Variants in LARS1 observed in about 807,000 individuals in gnomAD.
LARS1 encodes leucyl-tRNA synthetase 1, also known as leucine--tRNA ligase, cytoplasmic.
In LARS1, 100 loss-of-function variants were observed where a neutral mutation model predicts 162.8. The ratio of observed to expected loss-of-function variants is 0.61; its 90% CI spans 0.52 to 0.73. The LOEUF is 0.73. LARS1 is among the 30% of genes least tolerant of loss of function. The pLI, the probability that LARS1 is intolerant of heterozygous loss-of-function variation, is 0.00. For missense variants in LARS1, 1,258 were observed against 1,408.9 expected, an observed-to-expected ratio of 0.89 and a Z score of 1.71; for synonymous variants, 457 against 462.8, an observed-to-expected ratio of 0.99 and a Z score of 0.16.
In LARS1 at chr5:146,124,051, A is replaced by G. The variant is rs1365973736; in HGVS notation, c.3027T>C (p.Asp1009=). The G allele has an allele frequency of 6.2e-7, 1 of 1,610,480 alleles. No individual in the cohort carries two copies. Among genetic ancestry groups the G allele is most frequent in the South Asian group, 1.1e-5 (1 of 90,936 alleles). ...NLEKMGPRIL[D]LQLEFDEKAV... The stretch of plus-strand genomic sequence containing the variant: ...CCTTTTCATCAAATTCTAATTGCAA[A>G]TCCAGAATACGAGGCCCCATCTTCT... Residue 1009 remains aspartate, a synonymous_variant, in exon 29 of 32, where the codon GAT becomes GAC. Coordinates refer to ENST00000394434, the MANE Select transcript of LARS1 (RefSeq NM_020117.11).
chr5:146,147,017 G>C (rs1257050743), intron 15 of LARS1, among the ~76,000 whole-genome samples: 1 of 151,898 alleles, frequency 6.6e-6, no homozygotes, highest in Non-Finnish European at 1.5e-5. Flanking sequence ...TGGCCACCTA[G>C]ACCTTTTGAG....
At position 146,140,211 on chromosome 5, in the gene LARS1, G is replaced by C. The variant is rs1752710614; in HGVS notation, c.2141C>G (p.Ser714Cys). 1 of 1,611,024 alleles carries C rather than the reference G, an allele frequency of 6.2e-7. No individual in the cohort carries two copies. The highest frequency in any genetic ancestry group is 8.5e-7 in the Non-Finnish European group (1 of 1,177,304). ...AGATGCAATAAGCCTTACCTTCTCA[G>C]AGTTCAGGAGGAGATGTCCATTTGC... ...VRANGHLLLNSEKMSKSTGNF... is the reference protein window; with the variant it reads ...VRANGHLLLNCEKMSKSTGNF... The change falls in exon 21 of 32, where the codon TCT (serine) becomes TGT (cysteine). Residue 714 changes from serine (S) to cysteine (C), a missense_variant. Coordinates refer to ENST00000394434, the MANE Select transcript of LARS1 (RefSeq NM_020117.11).
At chr5:146,134,172 A>G (rs759610927) in intron 22 of LARS1, among the ~76,000 whole-genome samples, 4 of 152,148 alleles carry the variant, frequency 2.6e-5, no homozygotes, top group Non-Finnish European at 5.9e-5. Context: ...ATATCTATAC[A>G]CAAAATAAAA....
intron 1 of LARS1, among the ~76,000 whole-genome samples, chr5:146,178,164 T>A (rs539047439): frequency 6.6e-6 from 1 of 152,298 alleles, no homozygotes; most frequent in South Asian, 2.1e-4. Flanking sequence ...GAACAATTAC[T>A]GAAATATGTA....
intron 21 of LARS1, chr5:146,138,652 C>G (rs1752617394): frequency 6.6e-6 from 1 of 150,532 alleles, no homozygotes; most frequent in Non-Finnish European, 1.5e-5. Context: ...CGCTTGAACC[C>G]AAGAGGTGGA....
chr5:146,134,320 T>C (rs549558535), intron 22 of LARS1, among the ~76,000 whole-genome samples: 2 of 152,322 alleles, frequency 1.3e-5, no homozygotes, highest in South Asian at 4.1e-4. Flanking sequence ...TCTACCTGTT[T>C]ACTTATTTAT....
chr5:146,174,113 G>C (rs978068795), intron 2 of LARS1, among the ~76,000 whole-genome samples: 4 of 118,826 alleles, frequency 3.4e-5, no homozygotes, highest in African/African-American at 1.3e-4. Context: ...TATAACACCA[G>C]AGACTATATT....
At chr5:146,173,015 A>G (rs1363384613) in intron 2 of LARS1, among the ~76,000 whole-genome samples, 2 of 152,182 alleles carry the variant, frequency 1.3e-5, no homozygotes, top group African/African-American at 4.8e-5. Flanking sequence ...CTTGTAACAA[A>G]TACTAGAGGT....
rs778967946 is a variant in LARS1 at position 146,172,042 on chromosome 5, CA to C, written c.214-53del. 4.8e-6 allele frequency: 7 copies of C among 1,451,696 alleles called. No individual in the cohort carries two copies. In the Admixed American group the frequency reaches 1.2e-4, roughly 25 times the overall value. The allele number at this position is 1,451,696 out of a possible 1,614,324, so 89.9% of individuals were successfully genotyped here. ...TGCAAATTTAAATGCCAGACAAATACAAAATGTGAACTTTTCACACAAAAAA... is the reference window on the plus strand; with the variant it reads ...TGCAAATTTAAATGCCAGACAAATACAAATGTGAACTTTTCACACAAAAAA... On this transcript the variant is annotated intron_variant, in intron 3 of 31. Coordinates refer to ENST00000394434, the MANE Select transcript of LARS1 (RefSeq NM_020117.11).
chr5:146,142,982 C>T lies in LARS1; in HGVS notation c.1980G>A (p.Gln660=), dbSNP rs759270365. Residue 660 remains glutamine, a synonymous_variant, in exon 20 of 32, where the codon CAG becomes CAA. Transcript: ENST00000394434. ...CAACAGGATACCAGAATTCAAACTC[C>T]TGCTTTAACTGATCTAATTTTTCCT... ...IAKEKLDQLK[Q]EFEFWYPVDL... 6.2e-7 allele frequency: 1 copy of T among 1,613,952 alleles called. No individual in the cohort carries two copies. The highest frequency in any genetic ancestry group is 1.1e-5 in the South Asian group (1 of 91,068).
rs1311926899 is a variant in LARS1 at position 146,182,585 on chromosome 5, C to T, written c.-92G>A. The T allele has an allele frequency of 3.3e-6, 5 of 1,525,456 alleles. No individual in the cohort carries two copies. The East Asian group carries it at 9.0e-5, about 27-fold the overall frequency. 94.5% of individuals were successfully genotyped at this position (1,525,456 alleles called of 1,614,324 possible). On this transcript the variant is annotated 5_prime_UTR_variant, in exon 1 of 32. Transcript: ENST00000394434. ...ACCTTTCCCCTCCCTCTCGGGGATG[C>T]CAGGCCTCCCACGAAACTAAAGCAC... is the stretch of plus-strand genomic sequence containing the variant.
Position 146,123,982 on chromosome 5 carries a change from C to T in LARS1, c.3096G>A (p.Glu1032=), listed in dbSNP as rs746881596. ...TTATTACAATCCCTGGCCCTCTTACCTCAAGCGAATTAGTCAGATAGACTA... is the reference window on the plus strand; with the variant it reads ...TTATTACAATCCCTGGCCCTCTTACTTCAAGCGAATTAGTCAGATAGACTA... The part of the protein sequence containing the change: ...ENIVYLTNSL[E]LEHIEVKFAS... The change falls in exon 29 of 32, where the codon GAG becomes GAA. Residue 1032 remains glutamate (E), a splice_region_variant and synonymous_variant. Coordinates refer to ENST00000394434, the MANE Select transcript of LARS1 (RefSeq NM_020117.11). 2.4e-5 allele frequency: 38 copies of T among 1,568,376 alleles called. No homozygotes were observed. Among genetic ancestry groups the T allele is most frequent in the Non-Finnish European group, 3.1e-5 (35 of 1,140,968 alleles).
intron 23 of LARS1, 25 bp from the exon 24 acceptor site, chr5:146,131,134 T>G (rs371690781): frequency 4.5e-5 from 58 of 1,280,252 alleles, no homozygotes; most frequent in Admixed American, 2.1e-4. Flanking sequence ...GAAAAAAAGG[T>G]TATTGAGTTT....
At chr5:146,114,981 T>G (rs534433660) in intron 31 of LARS1, among the ~76,000 whole-genome samples, 17 of 147,174 alleles carry the variant, frequency 1.2e-4, no homozygotes, top group African/African-American at 4.3e-4. Context: ...GAGACAGAGG[T>G]TGCGGTGAGC....
At chr5:146,156,631 G>A (rs543642418) in intron 10 of LARS1, among the ~76,000 whole-genome samples, 2 of 151,940 alleles carry the variant, frequency 1.3e-5, no homozygotes, top group African/African-American at 4.8e-5. Flanking sequence ...GGAGGCAGAG[G>A]TGCAGTGAGC....
At chr5:146,116,117 A>G (rs1005214444) in intron 31 of LARS1, among the ~76,000 whole-genome samples, 7 of 152,314 alleles carry the variant, frequency 4.6e-5, no homozygotes, top group African/African-American at 1.7e-4. Context: ...TGCAGGGACC[A>G]TACAATCTAT....
In LARS1 at chr5:146,144,715, G is replaced by A; in HGVS notation, c.1504-6C>T. On this transcript the variant is annotated splice_polypyrimidine_tract_variant and splice_region_variant and intron_variant, in intron 15 of 31. Transcript: ENST00000394434. ...ATGTAAATAAGTGCATCTCCCTAAA[G>A]GAAGGTAAATAAACATACATTAGAT... is the stretch of plus-strand genomic sequence containing the variant. The A allele has an allele frequency of 6.2e-7, 1 of 1,610,312 alleles. No individual in the cohort carries two copies. The highest frequency in any genetic ancestry group is 1.3e-5 in the African/African-American group (1 of 74,910).
Position 146,144,765 on chromosome 5 carries a change from C to T in LARS1, c.1504-56G>A, listed in dbSNP as rs1269253447. On this transcript the variant is annotated intron_variant, in intron 15 of 31. Transcript: ENST00000394434. The stretch of plus-strand genomic sequence containing the variant: ...TACTATGTCAAATCAATCTTCATTC[C>T]TCAAGGATAAAAATTACTTTAAAAA... 1.2e-5 allele frequency: 18 copies of T among 1,456,676 alleles called. No individual in the cohort carries two copies. The Admixed American group carries it at 1.2e-4, about 10-fold the overall frequency. The allele number at this position is 1,456,676 out of a possible 1,614,324, so 90.2% of individuals were successfully genotyped here. A position where few individuals can be genotyped will look rare whatever the true frequency, so the allele number is the denominator to read the frequency against.
intron 2 of LARS1, among the ~76,000 whole-genome samples, chr5:146,174,348 G>A (rs1754412631): frequency 6.7e-6 from 1 of 148,826 alleles, no homozygotes; most frequent in African/African-American, 2.4e-5. Flanking sequence ...GGGAGGCTGA[G>A]GCAGGAGAAT....
Sources: allele counts gnomAD v4.1 joint callset (sites outside exome capture counted in the v4.1 genomes callset), GRCh38; gene constraint gnomAD v4.1.1; transcripts MANE v1.5; gene names NCBI Gene and HGNC (gene_info 2026-07-23, HGNC 2026-07-21).